LARP4B: variants seen among roughly 807,000 people sequenced by gnomAD.
LARP4B encodes the protein la-related protein 4B.
LARP4B carries 12 observed loss-of-function variants against 89.8 expected under a neutral mutation model. That is an observed-to-expected ratio of 0.13 (90% CI 0.09 to 0.22). The LOEUF (loss-of-function observed/expected upper bound fraction) is 0.22. Ranked by LOEUF, LARP4B falls within the 10% of genes least tolerant of loss-of-function variation. The pLI is 1.00. For synonymous variants in LARP4B, 367 were observed against 363.3 expected, an observed-to-expected ratio of 1.01 and a Z score of -0.12; for missense variants, 757 against 947.7, an observed-to-expected ratio of 0.80 and a Z score of 2.64.
chr10:844,409 T>G (rs1377257698), intron 6 of LARP4B, among the ~76,000 whole-genome samples: 1 of 152,202 alleles, frequency 6.6e-6, no homozygotes, highest in Non-Finnish European at 1.5e-5. Context: ...CAGACACCTG[T>G]GTGGAATCCT....
chr10:923,838 C>T (rs930329860), intron 1 of LARP4B, among the ~76,000 whole-genome samples: 2 of 152,136 alleles, frequency 1.3e-5, no homozygotes, highest in African/African-American at 2.4e-5. Context: ...ACAAAATGTT[C>T]TCATTTTTCA....
intron 1 of LARP4B, among the ~76,000 whole-genome samples, chr10:923,064 A>G (rs1389018330): frequency 6.6e-6 from 1 of 150,656 alleles, no homozygotes; most frequent in Non-Finnish European, 1.5e-5. Context: ...AACAGGTGAG[A>G]CTCCACCTCA....
intron 1 of LARP4B, among the ~76,000 whole-genome samples, chr10:916,057 T>C (rs1292106312): frequency 6.6e-6 from 1 of 152,122 alleles, no homozygotes; most frequent in Admixed American, 6.6e-5. Context: ...ATGTTAAAAT[T>C]GTATGTGAAG....
At chr10:864,537 T>C (rs1834793990) in intron 3 of LARP4B, among the ~76,000 whole-genome samples, 1 of 152,070 alleles carries the variant, frequency 6.6e-6, no homozygotes, top group Non-Finnish European at 1.5e-5. Flanking sequence ...CACCAAAAGA[T>C]TCAGTGTTTC....
intron 15 of LARP4B, chr10:815,415 A>G (rs987004238): frequency 4.1e-5 from 7 of 172,496 alleles, no homozygotes; most frequent in Non-Finnish European, 7.4e-5. Context: ...ACAACACCAC[A>G]TGCATATCTG....
chr10:858,165 A>T (rs1834404466), intron 5 of LARP4B, among the ~76,000 whole-genome samples: 1 of 152,232 alleles, frequency 6.6e-6, no homozygotes, highest in South Asian at 2.1e-4. Flanking sequence ...CCCACAGTTA[A>T]AATTCCAGGC....
At chr10:825,423 T>C (rs1434269323) in intron 12 of LARP4B, 107 bp from the exon 13 acceptor site, 5 of 1,102,808 alleles carry the variant, frequency 4.5e-6, no homozygotes. Context: ...CTCTGTTTAA[T>C]AAAGTATAAA....
chr10:838,567 C>T (rs1207880345), intron 7 of LARP4B, among the ~76,000 whole-genome samples: 1 of 152,184 alleles, frequency 6.6e-6, no homozygotes, highest in African/African-American at 2.4e-5. Flanking sequence ...TGAGATGTCA[C>T]TGCATACCTG....
chr10:897,912 T>C (rs1836233485), intron 1 of LARP4B, among the ~76,000 whole-genome samples: 2 of 134,156 alleles, frequency 1.5e-5, no homozygotes, highest in Admixed American at 9.1e-5. Flanking sequence ...CACTTGAACC[T>C]GGGAGGCGGA....
chr10:867,875 A>C (rs1003840086), intron 3 of LARP4B, among the ~76,000 whole-genome samples: 2 of 151,032 alleles, frequency 1.3e-5, no homozygotes, highest in Admixed American at 6.6e-5. Context: ...AAAAAAAAAA[A>C]AAAAAAAAAA....
chr10:909,242 C>T (rs1836594542), intron 1 of LARP4B, among the ~76,000 whole-genome samples: 3 of 144,428 alleles, frequency 2.1e-5, no homozygotes. Flanking sequence ...TGCGGTGAGC[C>T]GAGATCGCGC....
At chr10:872,608 C>T (rs76235028) in intron 3 of LARP4B, among the ~76,000 whole-genome samples, 1,735 of 152,298 alleles carry the variant, frequency 0.011, 33 homozygotes, top group African/African-American at 0.039. Context: ...CGCTGACCAC[C>T]ATTTCTTTCT....
At chr10:963,966 T>C in the LARP4B span, among the ~76,000 whole-genome samples, 1 of 152,218 alleles carries the variant, frequency 6.6e-6, no homozygotes, top group Non-Finnish European at 1.5e-5. Flanking sequence ...ATTCAAACCA[T>C]AGCAGGGAGA....
At chr10:834,503 C>CTAAGACCCAGTAGAAGGGCTCTATAA (rs1833091416) in intron 8 of LARP4B, among the ~76,000 whole-genome samples, 1 of 152,198 alleles carries the variant, frequency 6.6e-6, no homozygotes, top group Admixed American at 6.5e-5. Context: ...GCCTACATTT[C>CTAAGACCCAGTAGAAGGGCTCTATAA]TAAGACCCAG....
At chr10:942,738 T>A in the LARP4B span, 1 of 152,124 alleles carries the variant, frequency 6.6e-6, no homozygotes, top group Non-Finnish European at 1.5e-5. Flanking sequence ...TGGAAAATTC[T>A]GATAATTTTG....
At position 810,431 on chromosome 10, in the gene LARP4B, TAC is replaced by T. The variant is rs1399302547; in HGVS notation, c.*2493_*2494del. 6.6e-6 allele frequency: 1 copy of T among 152,226 alleles called. No individual in the cohort carries two copies. Among genetic ancestry groups the T allele is most frequent in the African/African-American group, 2.4e-5 (1 of 41,452 alleles). 9.4% of individuals were successfully genotyped at this position (152,226 alleles called of 1,614,324 possible). Reference sequence around the variant, plus strand: ...AGACTGCTGCTGGCTAGGCAGTAACTACAGTGTATTGACCGGAGGGCAGCAGA... The same window carrying T: ...AGACTGCTGCTGGCTAGGCAGTAACTAGTGTATTGACCGGAGGGCAGCAGA... On this transcript the variant is annotated 3_prime_UTR_variant, in exon 18 of 18. Transcript: ENST00000316157.
chr10:843,678 G>A (rs1018961492), intron 6 of LARP4B, among the ~76,000 whole-genome samples: 1 of 152,016 alleles, frequency 6.6e-6, no homozygotes, highest in African/African-American at 2.4e-5. Flanking sequence ...TAGCCTGGGC[G>A]ACAAGAGTGA....
At position 886,663 on chromosome 10, in the gene LARP4B, T is replaced by G. The variant is rs1038068303; in HGVS notation, c.-39-903A>C. ...AAAAGAAGGAAACCCCGTCGTATGC[T>G]ATAACATGGGTGAACCTGAAGGATA... On this transcript the variant is annotated intron_variant, in intron 1 of 17. Transcript: ENST00000316157. 2.6e-5 allele frequency among the ~76,000 whole-genome samples: 4 copies of G among 152,238 alleles called. No homozygotes were observed. In the East Asian group the frequency reaches 7.7e-4, roughly 29 times the overall value.
intron 5 of LARP4B, among the ~76,000 whole-genome samples, chr10:846,742 G>A (rs1247691847): frequency 6.6e-6 from 1 of 152,178 alleles, no homozygotes; most frequent in African/African-American, 2.4e-5. Context: ...TGCAATCACT[G>A]AGGACAGGGC....
Sources: gnomAD v4.1 joint callset for allele counts (sites outside exome capture counted in the v4.1 genomes callset) on GRCh38, gnomAD v4.1.1 for gene constraint, MANE v1.5 for transcripts, NCBI Gene and HGNC (gene_info 2026-07-23, HGNC 2026-07-21) for gene names.